The following MTMR10 variants were observed in gnomAD, a reference collection of about 807,000 sequenced individuals.
The protein encoded by MTMR10 is myotubularin related protein 10, also known as myotubularin-related protein 10.
A neutral mutation model predicts 88.1 loss-of-function variants in MTMR10; 56 were observed. That is an observed-to-expected ratio of 0.64 (90% CI 0.51 to 0.79). MTMR10 has a LOEUF of 0.79. Ranked by LOEUF, MTMR10 falls within the 30% of genes least tolerant of loss-of-function variation. The pLI, the probability that MTMR10 is intolerant of heterozygous loss-of-function variation, is 0.00. For synonymous variants in MTMR10, 380 were observed against 340.9 expected (o/e 1.11, Z -1.26); for missense variants, 883 against 924.7 (o/e 0.95, Z 0.58).
chr15:30,989,586 GTTT>G (rs35798908), intron 2 of MTMR10, among the ~76,000 whole-genome samples: 8 of 143,442 alleles, frequency 5.6e-5, no homozygotes, highest in Admixed American at 2.1e-4. Flanking sequence ...TTGATTTCAG[GTTT>G]TTTTTTTTTT....
At chr15:30,947,431 C>CT in intron 13 of MTMR10, 131 bp from the exon 14 acceptor site, 1 of 1,020,312 alleles carries the variant, frequency 9.8e-7, no homozygotes, top group Non-Finnish European at 1.4e-6. Context: ...CACTTGCCTT[C>CT]TAAGCTGAGC....
the MTMR10 span, chr15:30,926,056 A>G: frequency 3.8e-6 from 4 of 1,038,986 alleles, no homozygotes; most frequent in Non-Finnish European, 4.3e-6. Flanking sequence ...ACAGTGGAAG[A>G]TGCTGTGGGC....
At position 30,967,929 on chromosome 15, in the gene MTMR10, G is replaced by T. The variant is rs867436272; in HGVS notation, c.556C>A (p.His186Asn). ...ATATTTTCATATTTACCTGAATTGTGGTATTTTTTCCCAACATATTCAAAT... is the reference window on the plus strand; with the variant it reads ...ATATTTTCATATTTACCTGAATTGTTGTATTTTTTCCCAACATATTCAAAT... Reference protein sequence around the residue: ...FAFEYVGKKYHNSANKINGIP... With the variant: ...FAFEYVGKKYNNSANKINGIP... The change falls in exon 6 of 16, where the codon CAC (histidine) becomes AAC (asparagine). Residue 186 changes from histidine (H) to asparagine (N), a missense_variant. His to Asn is a moderately conservative substitution (Grantham distance 68). Coordinates refer to ENST00000435680, the MANE Select transcript of MTMR10 (RefSeq NM_017762.3). 6.4e-7 allele frequency: 1 copy of T among 1,550,428 alleles called. No individual in the cohort carries two copies. The highest frequency in any genetic ancestry group is 8.7e-7 in the Non-Finnish European group (1 of 1,143,742).
chr15:30,970,951 T>C (rs1275655071), intron 5 of MTMR10, among the ~76,000 whole-genome samples: 2 of 152,138 alleles, frequency 1.3e-5, no homozygotes, highest in Non-Finnish European at 2.9e-5. Context: ...GTAGTGAATT[T>C]CAAGTGTATA....
rs1384205816 is a variant in MTMR10, at chr15:30,940,008, A to G, written c.*1462T>C. The G allele has an allele frequency of 1.0e-6, 1 of 976,194 alleles. No individual in the cohort carries two copies. Among genetic ancestry groups the G allele is most frequent in the African/African-American group, 1.8e-5 (1 of 57,014 alleles). The allele number at this position is 976,194 out of a possible 1,614,324, so 60.5% of individuals were successfully genotyped here. ...TTAAAAGGCAAATAATTCAAAAAGA[A>G]ACAGCTATTCAGTACATATAAAGGT... On this transcript the variant is annotated 3_prime_UTR_variant, in exon 16 of 16. Transcript: ENST00000435680.
chr15:30,929,850 T>TATA, the MTMR10 span, among the ~76,000 whole-genome samples: 27 of 81,484 alleles, frequency 3.3e-4, 4 homozygotes, highest in African/African-American at 1.7e-3. Context: ...ATATAAAATA[T>TATA]ATATCATATA....
In MTMR10 at chr15:30,953,546, G is replaced by A; in HGVS notation, c.1136+16C>T. The stretch of plus-strand genomic sequence containing the variant: ...AAATAAAAAGTTAAAGGAAAAGAAA[G>A]TAAAGAAGTACAAACCTTACATATT... On this transcript the variant is annotated intron_variant, in intron 11 of 15. Transcript: ENST00000435680. 6.6e-7 allele frequency: 1 copy of A among 1,511,670 alleles called. No individual in the cohort carries two copies. The highest frequency in any genetic ancestry group is 9.0e-7 in the Non-Finnish European group (1 of 1,117,262). The allele number at this position is 1,511,670 out of a possible 1,614,324, so 93.6% of individuals were successfully genotyped here. A position where few individuals can be genotyped will look rare whatever the true frequency, so the allele number is the denominator to read the frequency against.
chr15:30,952,125 C>T, intron 11 of MTMR10, 87 bp from the exon 12 acceptor site: 1 of 1,132,432 alleles, frequency 8.8e-7, no homozygotes, highest in Non-Finnish European at 1.3e-6. Flanking sequence ...AATCTAATTT[C>T]TCACTTTACA....
chr15:30,930,793 C>A, the MTMR10 span: 1 of 1,279,738 alleles, frequency 7.8e-7, no homozygotes, highest in Non-Finnish European at 1.1e-6. Flanking sequence ...GCTTTTGGGC[C>A]GAGGGCCTGG....
At chr15:30,950,811 T>TA (rs560516935) in intron 12 of MTMR10, among the ~76,000 whole-genome samples, 92 of 152,300 alleles carry the variant, frequency 6.0e-4, no homozygotes, top group Non-Finnish European at 9.7e-4. Context: ...CACAAATGCT[T>TA]AAGTCCTGGA....
chr15:30,961,731 T>C (rs1402409848), intron 6 of MTMR10, among the ~76,000 whole-genome samples: 1 of 152,228 alleles, frequency 6.6e-6, no homozygotes, highest in African/African-American at 2.4e-5. Flanking sequence ...TTTTTCTTCC[T>C]TCCTTTTCCT....
chr15:30,970,598 C>T (rs777732053), intron 5 of MTMR10, among the ~76,000 whole-genome samples: 7 of 152,118 alleles, frequency 4.6e-5, no homozygotes, highest in Non-Finnish European at 1.0e-4. Flanking sequence ...AATAATAATA[C>T]TAATGTCTAT....
rs778741454 is a variant in MTMR10 at position 30,940,951 on chromosome 15, G to A, written c.*519C>T. 1.2e-5 allele frequency: 13 copies of A among 1,088,798 alleles called. No individual in the cohort carries two copies. Among genetic ancestry groups the A allele is most frequent in the Non-Finnish European group, 1.5e-5 (13 of 890,386 alleles). The allele number at this position is 1,088,798 out of a possible 1,614,324, so 67.4% of individuals were successfully genotyped here. A position where few individuals can be genotyped will look rare whatever the true frequency, so the allele number is the denominator to read the frequency against. On this transcript the variant is annotated 3_prime_UTR_variant, in exon 16 of 16. Coordinates refer to ENST00000435680, the MANE Select transcript of MTMR10 (RefSeq NM_017762.3). ...ACAGTGATCTAAGGTTCCAAAGAAGGTGATCTAAAATCATAAATTCTGGCC... is the reference window on the plus strand; with the variant it reads ...ACAGTGATCTAAGGTTCCAAAGAAGATGATCTAAAATCATAAATTCTGGCC...
At chr15:30,920,670 C>T in the MTMR10 span, 2 of 1,438,250 alleles carry the variant, frequency 1.4e-6, no homozygotes, top group Non-Finnish European at 1.9e-6. Flanking sequence ...GCACAGGTCC[C>T]TGCCCCCCAC....
rs542801146 is a variant in MTMR10, at chr15:30,954,861, T to A, written c.968A>T (p.Gln323Leu). ...ICNAITKSHP[Q>L]RSDVYKSDLD... ...ATCTGATTTGTAAACATCACTTCTC[T>A]GTGGGTGACTTTTAGTTATTGCATT... The change falls in exon 10 of 16, where the codon CAG becomes CTG. Residue 323 changes from glutamine to leucine, a missense_variant. By Grantham distance (113) the Gln-to-Leu change is moderately radical. Coordinates refer to ENST00000435680, the MANE Select transcript of MTMR10 (RefSeq NM_017762.3). 11 of 1,564,662 alleles carry A rather than the reference T, an allele frequency of 7.0e-6. No homozygotes were observed. In the South Asian group the frequency reaches 1.3e-4, roughly 18 times the overall value.
At chr15:30,978,535 T>C (rs1176494036) in intron 2 of MTMR10, among the ~76,000 whole-genome samples, 3 of 152,202 alleles carry the variant, frequency 2.0e-5, no homozygotes, top group Non-Finnish European at 4.4e-5. Context: ...GTAAATGATA[T>C]GTAAGTTAGA....
At chr15:30,933,768 T>G in the MTMR10 span, among the ~76,000 whole-genome samples, 1,644 of 96,196 alleles carry the variant, frequency 0.017, 22 homozygotes, top group African/African-American at 0.085. Flanking sequence ...TTTTTTTGTT[T>G]TTGTTTTTTG....
At chr15:30,969,312 A>C (rs1036081851) in intron 5 of MTMR10, among the ~76,000 whole-genome samples, 4 of 152,150 alleles carry the variant, frequency 2.6e-5, no homozygotes, top group African/African-American at 9.6e-5. Flanking sequence ...CGATTTCTCA[A>C]TACCTATAGG....
chr15:30,985,258 AT>A (rs1232456180), intron 2 of MTMR10, among the ~76,000 whole-genome samples: 2 of 152,190 alleles, frequency 1.3e-5, no homozygotes, highest in Non-Finnish European at 2.9e-5. Context: ...AAGACATTCC[AT>A]TTTCTGGCAG....
Sources: allele counts gnomAD v4.1 joint callset (sites outside exome capture counted in the v4.1 genomes callset), GRCh38; gene constraint gnomAD v4.1.1; transcripts MANE v1.5; gene names NCBI Gene and HGNC (gene_info 2026-07-23, HGNC 2026-07-21).